Variants in TMEM117 observed in about 807,000 individuals in gnomAD.
TMEM117 encodes transmembrane protein 117.
In TMEM117, 27 loss-of-function variants were observed where a neutral mutation model predicts 52.4. The observed-to-expected ratio is 0.51, with a 90% CI of 0.38 to 0.71. TMEM117 has a LOEUF of 0.71. Among genes scored for constraint, TMEM117 ranks in the 30% least tolerant of loss-of-function variants. TMEM117 has a pLI of 0.00. For synonymous variants in TMEM117, 215 were observed against 206.3 expected (o/e 1.04, Z -0.36); for missense variants, 556 against 630.5 (o/e 0.88, Z 1.26).
At chr12:44,179,768 A>C (rs1308947520) in intron 4 of TMEM117, among the ~76,000 whole-genome samples, 1 of 152,344 alleles carries the variant, frequency 6.6e-6, no homozygotes, top group African/African-American at 2.4e-5. Context: ...ACCTAATGTT[A>C]ACCATCACAG....
intron 5 of TMEM117, among the ~76,000 whole-genome samples, chr12:44,224,539 T>A (rs1949835127): frequency 6.6e-6 from 1 of 151,944 alleles, no homozygotes; most frequent in African/African-American, 2.4e-5. Context: ...CTCCTCCTTC[T>A]CTTCCTCCTC....
chr12:44,108,466 T>C (rs866887806), intron 3 of TMEM117, among the ~76,000 whole-genome samples: 2 of 94,802 alleles, frequency 2.1e-5, no homozygotes, highest in Admixed American at 2.4e-4. Context: ...TTTGGTTTTT[T>C]GTTCTTGCGA....
At chr12:43,889,255 G>A (rs1430500727) in intron 2 of TMEM117, among the ~76,000 whole-genome samples, 1 of 152,018 alleles carries the variant, frequency 6.6e-6, no homozygotes, top group Non-Finnish European at 1.5e-5. Context: ...GCTAATTTTT[G>A]TATTTTTAGT....
At chr12:44,270,444 C>T (rs1379389542) in intron 5 of TMEM117, among the ~76,000 whole-genome samples, 1 of 152,102 alleles carries the variant, frequency 6.6e-6, no homozygotes, top group African/African-American at 2.4e-5. Flanking sequence ...AGCAGAGCTA[C>T]TGATTTGTGT....
intron 6 of TMEM117, among the ~76,000 whole-genome samples, chr12:44,334,015 A>G (rs1180927792): frequency 6.6e-6 from 1 of 152,062 alleles, no homozygotes; most frequent in Non-Finnish European, 1.5e-5. Flanking sequence ...CATTTATAAA[A>G]TGAATTATTG....
intron 7 of TMEM117, among the ~76,000 whole-genome samples, chr12:44,378,926 C>T (rs865911468): frequency 6.6e-6 from 1 of 152,050 alleles, no homozygotes; most frequent in Admixed American, 6.6e-5. Context: ...GCCATGCAAA[C>T]AATTGGGTGT....
chr12:43,996,108 AG>A (rs1374572100), intron 3 of TMEM117, among the ~76,000 whole-genome samples: 2 of 152,250 alleles, frequency 1.3e-5, no homozygotes, highest in African/African-American at 4.8e-5. Context: ...TGATTGTAAA[AG>A]TAATACAAGC....
chr12:44,323,054 G>C (rs951719045), intron 6 of TMEM117, among the ~76,000 whole-genome samples: 2 of 152,154 alleles, frequency 1.3e-5, no homozygotes, highest in Admixed American at 1.3e-4. Context: ...AGTGTGAGAA[G>C]GACTTGGCCC....
At chr12:43,926,648 G>A (rs748165621) in intron 2 of TMEM117, among the ~76,000 whole-genome samples, 40 of 152,052 alleles carry the variant, frequency 2.6e-4, no homozygotes, top group Non-Finnish European at 3.8e-4. Context: ...TCTCTTTACC[G>A]AAAGGTGCTT....
intron 4 of TMEM117, among the ~76,000 whole-genome samples, chr12:44,180,353 T>C (rs1949175780): frequency 1.2e-5 from 1 of 81,294 alleles, no homozygotes; most frequent in Non-Finnish European, 2.1e-5. Flanking sequence ...ACCTGACATC[T>C]TTTTTTTTTT....
rs542184949 is a variant in TMEM117, at chr12:43,855,114, A to G, written c.277+10186A>G. 2.7e-4 allele frequency among the ~76,000 whole-genome samples: 41 copies of G among 152,376 alleles called. 1 individual carries two copies. The highest frequency in any genetic ancestry group is 6.3e-4 in the African/African-American group (26 of 41,590). On this transcript the variant is annotated intron_variant, in intron 2 of 7. Coordinates refer to ENST00000266534, the MANE Select transcript of TMEM117 (RefSeq NM_032256.3). ...TAAGTAAAGACCACAGACAGACTCA[A>G]GTAAGTTCAGGTTAGGTGTTGCTAC...
At chr12:44,350,950 A>G (rs891842360) in intron 6 of TMEM117, among the ~76,000 whole-genome samples, 1 of 152,060 alleles carries the variant, frequency 6.6e-6, no homozygotes, top group East Asian at 1.9e-4. Flanking sequence ...ACTGTTCTCC[A>G]TAGTGGTTGT....
intron 3 of TMEM117, among the ~76,000 whole-genome samples, chr12:44,015,373 T>C (rs927783909): frequency 6.6e-6 from 1 of 152,174 alleles, no homozygotes; most frequent in African/African-American, 2.4e-5. Context: ...AATATATATA[T>C]CTATAATATA....
intron 3 of TMEM117, among the ~76,000 whole-genome samples, chr12:43,950,621 G>A (rs758653998): frequency 3.3e-5 from 5 of 152,030 alleles, no homozygotes; most frequent in Admixed American, 2.6e-4. Context: ...GCCAGGGAAA[G>A]GCAGTCTCCC....
chr12:44,047,527 T>C (rs1022825580), intron 3 of TMEM117, among the ~76,000 whole-genome samples: 2 of 152,208 alleles, frequency 1.3e-5, no homozygotes, highest in African/African-American at 4.8e-5. Context: ...AGAGATTGTT[T>C]TTCTCTTAGT....
chr12:43,820,824 G>A, the TMEM117 span, among the ~76,000 whole-genome samples: 1 of 151,714 alleles, frequency 6.6e-6, no homozygotes, highest in Admixed American at 6.6e-5. Flanking sequence ...TAAAGTGGCC[G>A]GGCGCGTTGG....
chr12:44,180,760 C>T (rs959061738), intron 4 of TMEM117, among the ~76,000 whole-genome samples: 1 of 152,020 alleles, frequency 6.6e-6, no homozygotes. Context: ...CATTGTTGGA[C>T]ATTTGGGTTG....
chr12:44,310,601 G>C (rs1347301431), intron 6 of TMEM117, among the ~76,000 whole-genome samples: 3 of 152,196 alleles, frequency 2.0e-5, no homozygotes, highest in African/African-American at 7.2e-5. Context: ...TTGCACCATT[G>C]CACTCCAGCC....
upstream of TMEM117, among the ~76,000 whole-genome samples, chr12:43,832,080 C>T (rs1411022578): frequency 1.3e-5 from 2 of 152,122 alleles, no homozygotes; most frequent in Non-Finnish European, 2.9e-5. Context: ...GTTGTTTGGG[C>T]TAAAATATGG....
Sources: gnomAD v4.1 joint callset for allele counts (sites outside exome capture counted in the v4.1 genomes callset) on GRCh38, gnomAD v4.1.1 for gene constraint, MANE v1.5 for transcripts, NCBI Gene and HGNC (gene_info 2026-07-23, HGNC 2026-07-21) for gene names.